Variants in GUCY1B1 observed in about 807,000 individuals in gnomAD.
GUCY1B1 encodes the protein guanylate cyclase 1 soluble subunit beta 1.
GUCY1B1 carries 43 observed loss-of-function variants against 71.0 expected under a neutral mutation model. That is an observed-to-expected ratio of 0.61 (90% confidence interval 0.47 to 0.78). The LOEUF (loss-of-function observed/expected upper bound fraction) is 0.78. Among genes scored for constraint, GUCY1B1 ranks in the 30% least tolerant of loss-of-function variants. The pLI, the probability that GUCY1B1 is intolerant of heterozygous loss-of-function variation, is 0.00. For missense variants in GUCY1B1, 535 were observed against 754.1 expected (o/e 0.71, Z 3.40); for synonymous variants, 266 against 259.7 (o/e 1.02, Z -0.23).
In GUCY1B1 at chr4:155,804,718, A is replaced by G. The variant is rs150174649; in HGVS notation, c.1680A>G (p.Gly560=). The G allele has an allele frequency of 3.2e-4, 524 of 1,613,230 alleles. 3 individuals are homozygous for G. In the African/African-American group the frequency reaches 6.1e-3, roughly 19 times the overall value. Residue 560 remains glycine (G), a synonymous_variant, in exon 12 of 14, where the codon GGA becomes GGG. Transcript: ENST00000264424. ...TSRTETTGEK[G]KINVSEYTYR... is the part of the protein sequence containing the mutation. ...GAACAGAAACCACAGGAGAAAAGGG[A>G]AAAATAAATGTGTCTGAATATACAT...
chr4:155,770,946 T>G (rs978707344), intron 2 of GUCY1B1, among the ~76,000 whole-genome samples: 3 of 152,220 alleles, frequency 2.0e-5, no homozygotes, highest in African/African-American at 7.2e-5. Flanking sequence ...TATATCATGT[T>G]TATTGCTTAT....
chr4:155,795,598 A>G (rs1739495607), intron 7 of GUCY1B1, 141 bp downstream of exon 7: 1 of 533,872 alleles, frequency 1.9e-6, no homozygotes, highest in Non-Finnish European at 3.3e-6. Context: ...TTAAAAGGCA[A>G]TAACATTGAT....
At chr4:155,791,065 A>G (rs1397834302) in intron 5 of GUCY1B1, among the ~76,000 whole-genome samples, 1 of 152,038 alleles carries the variant, frequency 6.6e-6, no homozygotes, top group South Asian at 2.1e-4. Context: ...TTCATCCATG[A>G]TTGGGAATCT....
At chr4:155,804,535 A>G in intron 11 of GUCY1B1, 58 bp from the exon 12 acceptor site, 1 of 1,435,054 alleles carries the variant, frequency 7.0e-7, no homozygotes, top group South Asian at 1.2e-5. Context: ...AAAATAAAAA[A>G]AAAAAAATTC....
At chr4:155,798,916 C>A (rs544584224) in intron 8 of GUCY1B1, among the ~76,000 whole-genome samples, 1 of 152,290 alleles carries the variant, frequency 6.6e-6, no homozygotes, top group East Asian at 1.9e-4. Flanking sequence ...CAGCTCACTG[C>A]AGCCTCCTGC....
intron 4 of GUCY1B1, among the ~76,000 whole-genome samples, chr4:155,778,402 G>C (rs1315995439): frequency 6.6e-6 from 1 of 152,140 alleles, no homozygotes; most frequent in African/African-American, 2.4e-5. Context: ...TTATATAGTT[G>C]TTTGCAAAGG....
chr4:155,789,007 G>A lies in GUCY1B1; in HGVS notation c.298-707G>A, dbSNP rs542258599. Among the ~76,000 whole-genome samples the A allele has an allele frequency of 4.3e-4, 65 of 152,270 alleles. 1 individual carries two copies. The highest frequency in any genetic ancestry group is 4.0e-3 in the Admixed American group (61 of 15,290). On this transcript the variant is annotated intron_variant, in intron 4 of 13. Coordinates refer to ENST00000264424, the MANE Select transcript of GUCY1B1 (RefSeq NM_000857.5). ...TTAGTAATCTGAGACTCAGGGAAAC[G>A]TGGCATCTTCCAAACTAATGGCAAG... is the stretch of plus-strand genomic sequence containing the variant.
At chr4:155,781,460 T>C (rs895963432) in intron 4 of GUCY1B1, among the ~76,000 whole-genome samples, 2 of 152,180 alleles carry the variant, frequency 1.3e-5, no homozygotes, top group Non-Finnish European at 1.5e-5. Context: ...TTATGCAGTC[T>C]CTCCTGTGCT....
chr4:155,799,067 C>T lies in GUCY1B1; in HGVS notation c.978-810C>T, dbSNP rs549815517. Among the ~76,000 whole-genome samples, 129 of 152,252 alleles carry T rather than the reference C, an allele frequency of 8.5e-4. 1 individual carries two copies. Among genetic ancestry groups the T allele is most frequent in the African/African-American group, 3.0e-3 (123 of 41,554 alleles). Reference sequence around the variant, plus strand: ...AGCCAGGCTGATCTTGAACTCCTGGCCTCAAGTGGTCTGCCCACCTCGCCT... The same window carrying T: ...AGCCAGGCTGATCTTGAACTCCTGGTCTCAAGTGGTCTGCCCACCTCGCCT... On this transcript the variant is annotated intron_variant, in intron 8 of 13. Coordinates refer to ENST00000264424, the MANE Select transcript of GUCY1B1 (RefSeq NM_000857.5).
intron 2 of GUCY1B1, among the ~76,000 whole-genome samples, chr4:155,760,459 T>C (rs1171701758): frequency 2.1e-5 from 2 of 97,512 alleles, no homozygotes; most frequent in Admixed American, 1.9e-4. Flanking sequence ...CCCGTTTTTT[T>C]CTACTGTGTT....
chr4:155,762,910 C>T (rs1400602500), intron 2 of GUCY1B1, among the ~76,000 whole-genome samples: 2 of 152,068 alleles, frequency 1.3e-5, no homozygotes. Flanking sequence ...TGATTTAGAC[C>T]ATAACAAATG....
chr4:155,791,546 C>T (rs1438576074), intron 5 of GUCY1B1, among the ~76,000 whole-genome samples: 5 of 149,602 alleles, frequency 3.3e-5, no homozygotes, highest in Admixed American at 6.6e-5. Context: ...CTGGCTAACA[C>T]GGTGAAACCC....
At chr4:155,760,832 C>G (rs550260144) in intron 2 of GUCY1B1, among the ~76,000 whole-genome samples, 1 of 152,278 alleles carries the variant, frequency 6.6e-6, no homozygotes, top group African/African-American at 2.4e-5. Flanking sequence ...TTATTATTCA[C>G]TCTGATTTCC....
intron 2 of GUCY1B1, among the ~76,000 whole-genome samples, chr4:155,760,602 T>G (rs563719128): frequency 6.6e-6 from 1 of 152,284 alleles, no homozygotes; most frequent in East Asian, 1.9e-4. Context: ...GGTCAGCATG[T>G]CTGCAGGCAG....
intron 13 of GUCY1B1, 102 bp downstream of exon 13, chr4:155,805,331 T>G: frequency 1.0e-6 from 1 of 1,004,432 alleles, no homozygotes; most frequent in Non-Finnish European, 1.4e-6. Flanking sequence ...AAAGAATTCT[T>G]GCTAACAGAA....
At chr4:155,787,984 T>C (rs1561019805) in intron 4 of GUCY1B1, among the ~76,000 whole-genome samples, 1 of 152,246 alleles carries the variant, frequency 6.6e-6, no homozygotes. Context: ...TTGTTGTTTT[T>C]CTTTTCTTCT....
chr4:155,769,320 T>C (rs1021027354), intron 2 of GUCY1B1, among the ~76,000 whole-genome samples: 1 of 152,188 alleles, frequency 6.6e-6, no homozygotes, highest in Non-Finnish European at 1.5e-5. Context: ...ACTTATGACA[T>C]AGATGAAATC....
chr4:155,802,258 G>T lies in GUCY1B1; in HGVS notation c.1176-84G>T. Reference sequence around the variant, plus strand: ...AGGCCTTTAAAGTACAAACGACACTGATGCTGTGTGAAAAGGACAGCAGAA... The same window carrying T: ...AGGCCTTTAAAGTACAAACGACACTTATGCTGTGTGAAAAGGACAGCAGAA... On this transcript the variant is annotated intron_variant, in intron 9 of 13. Coordinates refer to ENST00000264424, the MANE Select transcript of GUCY1B1 (RefSeq NM_000857.5). The surrounding 1 kb of genome is among the most constrained non-coding windows in gnomAD (Gnocchi z 4.3). 1 of 1,578,658 alleles carries T rather than the reference G, an allele frequency of 6.3e-7. No homozygotes were observed. Among genetic ancestry groups the T allele is most frequent in the Non-Finnish European group, 8.6e-7 (1 of 1,163,804 alleles).
chr4:155,791,466 C>T (rs1333128064), intron 5 of GUCY1B1, among the ~76,000 whole-genome samples: 1 of 148,048 alleles, frequency 6.8e-6, no homozygotes, highest in Non-Finnish European at 1.5e-5. Context: ...CGCAGTGGCT[C>T]ACGCCTGTAA....
Sources: gnomAD v4.1 joint callset for allele counts (sites outside exome capture counted in the v4.1 genomes callset) on GRCh38, gnomAD v4.1.1 for gene constraint, Gnocchi (gnomAD v3.1) non-coding constraint, MANE v1.5 for transcripts, NCBI Gene and HGNC (gene_info 2026-07-23, HGNC 2026-07-21) for gene names.